Variants in CSNK2A2IP observed in about 807,000 individuals in gnomAD.
The protein encoded by CSNK2A2IP is casein kinase II subunit alpha'-interacting protein.
At chr3:88,356,571 T>G in the CSNK2A2IP span, among the ~76,000 whole-genome samples, 3 of 152,154 alleles carry the variant, frequency 2.0e-5, no homozygotes, top group Non-Finnish European at 4.4e-5. Flanking sequence ...CAAGGGTACA[T>G]ATCTCAATAT....
chr3:88,426,021 A>G, the CSNK2A2IP span, among the ~76,000 whole-genome samples: 3 of 152,238 alleles, frequency 2.0e-5, no homozygotes, highest in Admixed American at 6.5e-5. Flanking sequence ...GAACAAGAAT[A>G]TATCAGCTAC....
chr3:88,411,729 C>T, the CSNK2A2IP span, among the ~76,000 whole-genome samples: 2 of 151,528 alleles, frequency 1.3e-5, no homozygotes, highest in African/African-American at 4.9e-5. Flanking sequence ...ATGCTAAATA[C>T]TGCTGATGAA....
At chr3:88,396,999 A>C in the CSNK2A2IP span, among the ~76,000 whole-genome samples, 2 of 152,168 alleles carry the variant, frequency 1.3e-5, no homozygotes, top group African/African-American at 2.4e-5. Flanking sequence ...GAGTTGAGGG[A>C]TGGCGTCAGT....
At chr3:88,426,890 G>A in the CSNK2A2IP span, among the ~76,000 whole-genome samples, 3 of 39,086 alleles carry the variant, frequency 7.7e-5, no homozygotes, top group East Asian at 1.3e-3. Flanking sequence ...CACGGGGGAT[G>A]GGGGGGGGCG....
At chr3:88,416,779 C>T in the CSNK2A2IP span, among the ~76,000 whole-genome samples, 1 of 152,150 alleles carries the variant, frequency 6.6e-6, no homozygotes, top group Non-Finnish European at 1.5e-5. Context: ...ATTCAAGCTG[C>T]TTGACCAAAG....
the CSNK2A2IP span, among the ~76,000 whole-genome samples, chr3:88,449,778 GA>G: frequency 6.5e-5 from 8 of 123,290 alleles, no homozygotes; most frequent in South Asian, 2.9e-4. Flanking sequence ...ATTGTGAAGA[GA>G]AAAAAAGGTA....
At chr3:88,386,566 A>T in the CSNK2A2IP span, among the ~76,000 whole-genome samples, 1 of 152,206 alleles carries the variant, frequency 6.6e-6, no homozygotes, top group East Asian at 1.9e-4. Flanking sequence ...ATAATGATCA[A>T]ACTTGTTCTC....
chr3:88,450,257 CT>C, the CSNK2A2IP span, among the ~76,000 whole-genome samples: 1 of 152,016 alleles, frequency 6.6e-6, no homozygotes, highest in Admixed American at 6.6e-5. Flanking sequence ...AAGAAAGGTA[CT>C]ATAGTGAGCA....
the CSNK2A2IP span, among the ~76,000 whole-genome samples, chr3:88,383,212 T>C: frequency 6.6e-6 from 1 of 152,120 alleles, no homozygotes. Context: ...TCAAATCCAA[T>C]GGGCACTAAC....
At chr3:88,372,856 T>A in the CSNK2A2IP span, among the ~76,000 whole-genome samples, 1 of 151,474 alleles carries the variant, frequency 6.6e-6, no homozygotes, top group Non-Finnish European at 1.5e-5. Flanking sequence ...TCACATTAAA[T>A]AGATTTAACA....
At chr3:88,450,035 C>G in the CSNK2A2IP span, among the ~76,000 whole-genome samples, 1 of 149,654 alleles carries the variant, frequency 6.7e-6, no homozygotes, top group African/African-American at 2.5e-5. Context: ...GCCTGGCTAA[C>G]TGTTTTGTAT....
the CSNK2A2IP span, among the ~76,000 whole-genome samples, chr3:88,389,946 T>C: frequency 2.6e-5 from 4 of 152,118 alleles, no homozygotes; most frequent in African/African-American, 9.7e-5. Context: ...ACTTCCTTTC[T>C]TCCAAGAAAA....
At chr3:88,378,296 T>G in the CSNK2A2IP span, among the ~76,000 whole-genome samples, 2 of 151,948 alleles carry the variant, frequency 1.3e-5, no homozygotes, top group Non-Finnish European at 2.9e-5. Context: ...TTTTTTCAAT[T>G]TTGTTTATGC....
At chr3:88,395,760 T>G in the CSNK2A2IP span, among the ~76,000 whole-genome samples, 609 of 152,324 alleles carry the variant, frequency 4.0e-3, 1 homozygote, top group African/African-American at 0.014. Context: ...GCTCGAATTA[T>G]TTATTTCTTT....
the CSNK2A2IP span, among the ~76,000 whole-genome samples, chr3:88,429,440 C>G: frequency 6.6e-6 from 1 of 152,210 alleles, no homozygotes; most frequent in South Asian, 2.1e-4. Flanking sequence ...TGGCTCTTCT[C>G]TGTCCCAAAT....
the CSNK2A2IP span, among the ~76,000 whole-genome samples, chr3:88,419,853 T>A: frequency 6.6e-6 from 1 of 152,172 alleles, no homozygotes; most frequent in Non-Finnish European, 1.5e-5. Flanking sequence ...CCGTTTGCTT[T>A]AAGTGTCAAG....
At chr3:88,426,094 T>C in the CSNK2A2IP span, among the ~76,000 whole-genome samples, 3 of 152,184 alleles carry the variant, frequency 2.0e-5, no homozygotes, top group African/African-American at 7.2e-5. Flanking sequence ...GTAAAAATAG[T>C]CTTTTCCACA....
chr3:88,375,090 T>C, the CSNK2A2IP span, among the ~76,000 whole-genome samples: 1 of 151,748 alleles, frequency 6.6e-6, no homozygotes, highest in Admixed American at 6.6e-5. Context: ...TTCTCTATTC[T>C]AGTATTCTCA....
the CSNK2A2IP span, among the ~76,000 whole-genome samples, chr3:88,371,434 G>A: frequency 9.9e-5 from 15 of 151,672 alleles, no homozygotes; most frequent in Non-Finnish European, 1.8e-4. Flanking sequence ...TACCTTAGAT[G>A]GGTTCAAAAG....
Sources: allele counts gnomAD v4.1 joint callset (sites outside exome capture counted in the v4.1 genomes callset), GRCh38; gene constraint gnomAD v4.1.1; transcripts MANE v1.5; gene names NCBI Gene and HGNC (gene_info 2026-07-23, HGNC 2026-07-21).